Variants in CREM observed in about 807,000 individuals in gnomAD.
CREM encodes cAMP responsive element modulator, also known as cAMP-responsive element modulator.
In CREM, 13 loss-of-function variants were observed where a neutral mutation model predicts 37.3. That is an observed-to-expected ratio of 0.35 (90% confidence interval 0.23 to 0.55). The LOEUF is 0.55. Ranked by LOEUF, CREM falls within the 20% of genes least tolerant of loss-of-function variation. CREM has a pLI of 0.88. For synonymous variants in CREM, 124 were observed against 120.2 expected (o/e 1.03, Z -0.21); for missense variants, 296 against 362.3 (o/e 0.82, Z 1.49).
At chr10:35,205,440 G>T (rs975894101) in intron 6 of CREM, among the ~76,000 whole-genome samples, 2 of 151,794 alleles carry the variant, frequency 1.3e-5, no homozygotes, top group Non-Finnish European at 2.9e-5. Context: ...GTTGTTTTTT[G>T]TTTTTTTTAC....
At chr10:35,134,540 A>G (rs568310756) in intron 1 of CREM, among the ~76,000 whole-genome samples, 1 of 152,286 alleles carries the variant, frequency 6.6e-6, no homozygotes, top group Non-Finnish European at 1.5e-5. Flanking sequence ...GTGTTAATTT[A>G]ATACTATCTT....
At position 35,182,023 on chromosome 10, in the gene CREM, C is replaced by G. The variant is rs141605818; in HGVS notation, c.409+2747C>G. On this transcript the variant is annotated intron_variant, in intron 5 of 7. Transcript: ENST00000685392. ...GTTATAGTTCTGTATGTACAGTCTG[C>G]AGGTAAAAATTGCCATTTGTTCACA... Among the ~76,000 whole-genome samples, 5 of 152,158 alleles carry G rather than the reference C, an allele frequency of 3.3e-5. 1 individual carries two copies. In the South Asian group the frequency reaches 1.0e-3, roughly 31 times the overall value.
At chr10:35,210,626 C>G (rs1227183368) in intron 7 of CREM, 1 of 152,002 alleles carries the variant, frequency 6.6e-6, no homozygotes, top group Non-Finnish European at 1.5e-5. Context: ...ATTTTGTAGC[C>G]CCCTTCTTTA....
chr10:35,192,439 C>T (rs972188313), intron 6 of CREM, among the ~76,000 whole-genome samples: 3 of 152,114 alleles, frequency 2.0e-5, no homozygotes, highest in Non-Finnish European at 4.4e-5. Flanking sequence ...ACCTCTGTCT[C>T]CTGGGCTCAA....
intron 5 of CREM, among the ~76,000 whole-genome samples, chr10:35,187,028 A>C (rs1418225268): frequency 1.4e-5 from 1 of 73,634 alleles, no homozygotes; most frequent in Non-Finnish European, 2.3e-5. Context: ...AATATATATC[A>C]CATATAATAT....
intron 3 of CREM, chr10:35,167,708 T>C: frequency 6.2e-7 from 1 of 1,612,480 alleles, no homozygotes; most frequent in Non-Finnish European, 8.5e-7. Flanking sequence ...GTACTGTTTA[T>C]AGTGGGATTT....
chr10:35,184,716 G>C (rs896016345), intron 5 of CREM, among the ~76,000 whole-genome samples: 2 of 152,060 alleles, frequency 1.3e-5, no homozygotes, highest in Non-Finnish European at 2.9e-5. Context: ...TGTGTCAGCT[G>C]TTCATATTGT....
At chr10:35,154,247 C>T (rs1231579145) in intron 3 of CREM, 3 of 392,588 alleles carry the variant, frequency 7.6e-6, no homozygotes, top group East Asian at 3.6e-5. Context: ...CAAAAATCTT[C>T]TTGGTCCCAC....
At chr10:35,205,109 C>T (rs2095489877) in intron 6 of CREM, among the ~76,000 whole-genome samples, 1 of 152,162 alleles carries the variant, frequency 6.6e-6, no homozygotes, top group Non-Finnish European at 1.5e-5. Context: ...TAACTCTGGA[C>T]CATACGTTCT....
chr10:35,197,491 C>T (rs932822025), intron 6 of CREM, among the ~76,000 whole-genome samples: 1 of 151,616 alleles, frequency 6.6e-6, no homozygotes, highest in Non-Finnish European at 1.5e-5. Context: ...CTCGCTCTGT[C>T]GCCCAGGCTG....
chr10:35,167,889 C>T (rs955919151), intron 3 of CREM: 2 of 1,214,706 alleles, frequency 1.6e-6, no homozygotes, highest in South Asian at 2.6e-5. Context: ...AAATAACATC[C>T]ATTTTATGTT....
intron 1 of CREM, among the ~76,000 whole-genome samples, chr10:35,134,739 C>T (rs575759843): frequency 3.3e-5 from 5 of 151,896 alleles, no homozygotes; most frequent in Admixed American, 6.6e-5. Context: ...TGAAGGATAC[C>T]GACAGCAGTG....
chr10:35,174,837 T>C (rs1564879266), intron 3 of CREM, among the ~76,000 whole-genome samples: 1 of 152,282 alleles, frequency 6.6e-6, no homozygotes, highest in East Asian at 1.9e-4. Context: ...GGGATCTCTG[T>C]TGAAGGAACT....
intron 1 of CREM, among the ~76,000 whole-genome samples, chr10:35,135,963 T>G (rs1020974940): frequency 6.6e-6 from 1 of 152,116 alleles, no homozygotes; most frequent in Non-Finnish European, 1.5e-5. Context: ...GGAGAATAGT[T>G]GGAATGAAGT....
intron 1 of CREM, among the ~76,000 whole-genome samples, chr10:35,137,363 A>G (rs1366710303): frequency 1.3e-5 from 2 of 152,210 alleles, no homozygotes; most frequent in African/African-American, 2.4e-5. Flanking sequence ...GGAGTGAAAT[A>G]TAAGGAAATA....
intron 6 of CREM, among the ~76,000 whole-genome samples, chr10:35,202,456 A>G (rs1276203174): frequency 1.3e-5 from 2 of 152,156 alleles, no homozygotes; most frequent in African/African-American, 2.4e-5. Context: ...AGGTCTTGCT[A>G]TGTTGCCCAG....
intron 2 of CREM, among the ~76,000 whole-genome samples, chr10:35,145,597 A>G (rs1391731339): frequency 2.0e-5 from 3 of 152,140 alleles, no homozygotes; most frequent in Non-Finnish European, 4.4e-5. Context: ...CGTGGCCAAC[A>G]TGGCGAAACC....
chr10:35,186,535 TGACATA>T (rs2094558397), intron 5 of CREM, among the ~76,000 whole-genome samples: 1 of 150,540 alleles, frequency 6.6e-6, no homozygotes, highest in Non-Finnish European at 1.5e-5. Context: ...AGGATTCTCC[TGACATA>T]GACAAAATGG....
chr10:35,149,759 C>T (rs2092438727), intron 3 of CREM, among the ~76,000 whole-genome samples: 1 of 152,074 alleles, frequency 6.6e-6, no homozygotes, highest in Non-Finnish European at 1.5e-5. Context: ...TTTCTTTCCT[C>T]TTTAAAGCTG....
Sources: gnomAD v4.1 joint callset for allele counts (sites outside exome capture counted in the v4.1 genomes callset) on GRCh38, gnomAD v4.1.1 for gene constraint, MANE v1.5 for transcripts, NCBI Gene and HGNC (gene_info 2026-07-23, HGNC 2026-07-21) for gene names.